SANBR: variants seen among roughly 807,000 people sequenced by gnomAD.
SANBR encodes SANT and BTB domain regulator of class switch recombination.
SANBR carries 77 observed loss-of-function variants against 101.8 expected under a neutral mutation model. That is an observed-to-expected ratio of 0.76 (90% CI 0.63 to 0.91). The LOEUF (loss-of-function observed/expected upper bound fraction) is 0.91. SANBR is among the 40% of genes least tolerant of loss of function. The pLI, the probability that SANBR is intolerant of heterozygous loss-of-function variation, is 0.00. For missense variants in SANBR, 875 were observed against 853.0 expected (o/e 1.03, Z -0.32); for synonymous variants, 279 against 274.7 (o/e 1.02, Z -0.15).
At chr2:61,095,882 C>T (rs1683006608) in intron 11 of SANBR, among the ~76,000 whole-genome samples, 1 of 152,154 alleles carries the variant, frequency 6.6e-6, no homozygotes, top group Non-Finnish European at 1.5e-5. Flanking sequence ...CTTTTCTGGT[C>T]CTTTCCCCAA....
intron 16 of SANBR, among the ~76,000 whole-genome samples, chr2:61,114,275 G>T (rs1471621150): frequency 6.6e-6 from 1 of 152,116 alleles, no homozygotes; most frequent in African/African-American, 2.4e-5. Context: ...GGCCTTCCCA[G>T]CATTTATTCA....
Position 61,117,393 on chromosome 2 carries a change from T to C in SANBR, c.1865+8T>C. ...AGATGTGTCTCCTTTCGTGTGAGTATTGCTCCTTAATCCAATCGGATATCC... is the reference window on the plus strand; with the variant it reads ...AGATGTGTCTCCTTTCGTGTGAGTACTGCTCCTTAATCCAATCGGATATCC... On this transcript the variant is annotated splice_region_variant and intron_variant, in intron 18 of 21. Transcript: ENST00000402291. 1 of 1,613,864 alleles carries C rather than the reference T, an allele frequency of 6.2e-7. No individual in the cohort carries two copies. The highest frequency in any genetic ancestry group is 8.5e-7 in the Non-Finnish European group (1 of 1,179,786).
chr2:61,122,099 ACCT>A, intron 21 of SANBR, 24 bp from the exon 22 acceptor site: 1 of 1,547,910 alleles, frequency 6.5e-7, no homozygotes, highest in South Asian at 1.2e-5. Flanking sequence ...AGCAATTCTG[ACCT>A]CCTTTTCTGT....
chr2:61,072,506 G>A (rs548516814), intron 4 of SANBR, among the ~76,000 whole-genome samples: 1 of 152,296 alleles, frequency 6.6e-6, no homozygotes, highest in Non-Finnish European at 1.5e-5. Flanking sequence ...AAGCCCAGGA[G>A]GTGAAGGTTA....
chr2:61,121,239 G>C lies in SANBR; in HGVS notation c.2083G>C (p.Val695Leu), dbSNP rs1390018647. ...LEAQIKASVP[V>L]SARQSSSEKN... Reference sequence around the variant, plus strand: ...AGCACAAATCAAGGCCTCAGTGCCAGTTAGTGCACGCCAAAGCAGCTCAGA... The same window carrying C: ...AGCACAAATCAAGGCCTCAGTGCCACTTAGTGCACGCCAAAGCAGCTCAGA... Residue 695 changes from valine to leucine, a missense_variant, in exon 21 of 22, where the codon GTT becomes CTT. Coordinates refer to ENST00000402291, the MANE Select transcript of SANBR (RefSeq NM_001129993.3). 1.9e-6 allele frequency: 3 copies of C among 1,551,192 alleles called. No homozygotes were observed. The South Asian group carries it at 3.6e-5, about 18-fold the overall frequency.
intron 8 of SANBR, 91 bp from the exon 9 acceptor site, chr2:61,088,068 C>A: frequency 1.6e-6 from 1 of 642,846 alleles, no homozygotes; most frequent in Non-Finnish European, 2.6e-6. Context: ...ATTTATTAAT[C>A]TTATTTTACA....
At chr2:61,074,560 C>T (rs1379062347) in intron 5 of SANBR, among the ~76,000 whole-genome samples, 2 of 152,154 alleles carry the variant, frequency 1.3e-5, no homozygotes, top group Non-Finnish European at 2.9e-5. Context: ...AGGTGTGTGC[C>T]ACCGTGCCCA....
Position 61,121,224 on chromosome 2 carries a change from A to C in SANBR, c.2068A>C (p.Lys690Gln). 6.4e-7 allele frequency: 1 copy of C among 1,551,266 alleles called. No homozygotes were observed. The highest frequency in any genetic ancestry group is 8.7e-7 in the Non-Finnish European group (1 of 1,146,610). ...TTATTCCAGGCTGGAAGCACAAATC[A>C]AGGCCTCAGTGCCAGTTAGTGCACG... is the stretch of plus-strand genomic sequence containing the variant. ...GIYSRLEAQIKASVPVSARQS... is the reference protein window; with the variant it reads ...GIYSRLEAQIQASVPVSARQS... Residue 690 changes from lysine to glutamine, a missense_variant, in exon 21 of 22, where the codon AAG becomes CAG. Physicochemically the swap from Lys to Gln is moderately conservative, Grantham distance 53 (BLOSUM62 1). Coordinates refer to ENST00000402291, the MANE Select transcript of SANBR (RefSeq NM_001129993.3).
At chr2:61,093,865 A>G (rs920483080) in intron 11 of SANBR, among the ~76,000 whole-genome samples, 11 of 152,224 alleles carry the variant, frequency 7.2e-5, no homozygotes, top group South Asian at 2.1e-4. Context: ...TGCTACTTGT[A>G]GGAACCTATA....
chr2:61,103,743 A>T, intron 12 of SANBR, 110 bp from the exon 13 acceptor site: 1 of 987,540 alleles, frequency 1.0e-6, no homozygotes, highest in South Asian at 1.7e-5. Flanking sequence ...AGAAAAAGTT[A>T]TAAAATATGT....
At chr2:61,089,058 T>C in intron 10 of SANBR, 1 of 974,366 alleles carries the variant, frequency 1.0e-6, no homozygotes, top group Non-Finnish European at 1.2e-6. Context: ...GCCTTTAAAA[T>C]GCTCTCTTTT....
intron 8 of SANBR, among the ~76,000 whole-genome samples, chr2:61,087,818 T>G (rs1682519719): frequency 6.7e-6 from 1 of 149,918 alleles, no homozygotes; most frequent in Non-Finnish European, 1.5e-5. Flanking sequence ...GCTGTTGAAC[T>G]CCAGCCTGGG....
chr2:61,066,981 A>G (rs528101624), intron 1 of SANBR, among the ~76,000 whole-genome samples: 22 of 152,184 alleles, frequency 1.4e-4, no homozygotes, highest in African/African-American at 5.1e-4. Context: ...AGTGGATTTC[A>G]TAGTAATTTG....
chr2:61,081,389 A>T, intron 6 of SANBR, 63 bp from the exon 7 acceptor site: 1 of 1,469,122 alleles, frequency 6.8e-7, no homozygotes, highest in Non-Finnish European at 9.2e-7. Context: ...GGTAAGAAGG[A>T]GCCTGTTCAG....
At chr2:61,134,286 CA>C in intron 21 of SANBR, 1 of 1,544,678 alleles carries the variant, frequency 6.5e-7, no homozygotes, top group Non-Finnish European at 8.8e-7. Context: ...CGTAAGTGCT[CA>C]AAAATGTTAG....
At chr2:61,118,570 T>A (rs1284274390) in intron 20 of SANBR, among the ~76,000 whole-genome samples, 3 of 140,832 alleles carry the variant, frequency 2.1e-5, no homozygotes, top group Non-Finnish European at 4.6e-5. Context: ...TTGTTGGTTT[T>A]TTTTTTTTTT....
At chr2:61,093,472 G>C (rs1371983147) in intron 11 of SANBR, 1 of 152,168 alleles carries the variant, frequency 6.6e-6, no homozygotes, top group Admixed American at 6.6e-5. Context: ...GCGCATGCCT[G>C]TAATCCCAGC....
intron 21 of SANBR, 147 bp from the exon 22 acceptor site, chr2:61,121,979 C>T: frequency 9.7e-7 from 1 of 1,027,530 alleles, no homozygotes; most frequent in Non-Finnish European, 1.4e-6. Context: ...AATACATCTC[C>T]TGTTAAGAGT....
intron 10 of SANBR, chr2:61,090,493 G>C (rs2104897815): frequency 6.6e-6 from 1 of 151,136 alleles, no homozygotes; most frequent in Admixed American, 6.6e-5. Flanking sequence ...AGTCTTTGTT[G>C]CTCAGGCTGG....
Sources: gnomAD v4.1 joint callset for allele counts (sites outside exome capture counted in the v4.1 genomes callset) on GRCh38, gnomAD v4.1.1 for gene constraint, MANE v1.5 for transcripts, NCBI Gene and HGNC (gene_info 2026-07-23, HGNC 2026-07-21) for gene names.